The following PIK3R4 variants were observed in gnomAD, a reference collection of about 807,000 sequenced individuals.
PIK3R4 encodes phosphoinositide-3-kinase regulatory subunit 4, also known as phosphoinositide 3-kinase regulatory subunit 4.
Under a neutral mutation model 136.5 loss-of-function variants are expected in PIK3R4, and 46 were observed. The observed-to-expected ratio is 0.34, with a 90% confidence interval of 0.27 to 0.43. The LOEUF is 0.43. Ranked by LOEUF, PIK3R4 falls within the 20% of genes least tolerant of loss-of-function variation. The pLI is 1.00. For missense variants in PIK3R4, 1,331 were observed against 1,649.5 expected (o/e 0.81, Z 3.35); for synonymous variants, 557 against 566.7 (o/e 0.98, Z 0.24).
chr3:130,681,814 C>T (rs1233622102), intron 16 of PIK3R4, among the ~76,000 whole-genome samples: 2 of 152,092 alleles, frequency 1.3e-5, no homozygotes, highest in Non-Finnish European at 2.9e-5. Flanking sequence ...GAAGAGATGG[C>T]AAACAAAGCA....
intron 2 of PIK3R4, among the ~76,000 whole-genome samples, chr3:130,740,278 C>T (rs898084451): frequency 6.6e-6 from 1 of 152,130 alleles, no homozygotes; most frequent in Non-Finnish European, 1.5e-5. Flanking sequence ...AAATGTAATA[C>T]CTGAACCCTA....
At chr3:130,686,501 C>T in intron 14 of PIK3R4, 79 bp from the exon 15 acceptor site, 1 of 844,046 alleles carries the variant, frequency 1.2e-6, no homozygotes, top group Non-Finnish European at 2.0e-6. Context: ...GACTTTATAT[C>T]CTATCCATAG....
At chr3:130,703,999 A>C in intron 12 of PIK3R4, 111 bp from the exon 13 acceptor site, 2 of 702,068 alleles carry the variant, frequency 2.8e-6, no homozygotes, top group Non-Finnish European at 4.8e-6. Flanking sequence ...ATAAGAACTA[A>C]AATATTTGAA....
chr3:130,723,158 A>G (rs557746953), intron 7 of PIK3R4, among the ~76,000 whole-genome samples: 2 of 151,678 alleles, frequency 1.3e-5, no homozygotes, highest in Non-Finnish European at 2.9e-5. Context: ...GACAAGGGTA[A>G]CACAGACTTA....
Position 130,679,193 on chromosome 3 carries a change from A to T in PIK3R4, c.*122T>A, listed in dbSNP as rs2066437955. Reference sequence around the variant, plus strand: ...GGTGTCATTTAGTCAGTCAGTCATGAAACAGTAATATGGAGACATAATTTT... The same window carrying T: ...GGTGTCATTTAGTCAGTCAGTCATGTAACAGTAATATGGAGACATAATTTT... On this transcript the variant is annotated 3_prime_UTR_variant, in exon 20 of 20. Coordinates refer to ENST00000356763, the MANE Select transcript of PIK3R4 (RefSeq NM_014602.3). The T allele has an allele frequency of 1.8e-6, 1 of 550,312 alleles. No homozygotes were observed. The highest frequency in any genetic ancestry group is 3.9e-5 in the South Asian group (1 of 25,606). The allele number at this position is 550,312 out of a possible 1,614,324, so 34.1% of individuals were successfully genotyped here. A position where few individuals can be genotyped will look rare whatever the true frequency, so the allele number is the denominator to read the frequency against.
At chr3:130,687,811 C>T (rs909376501) in intron 14 of PIK3R4, among the ~76,000 whole-genome samples, 1 of 152,040 alleles carries the variant, frequency 6.6e-6, no homozygotes, top group African/African-American at 2.4e-5. Context: ...TAAATACTTC[C>T]TAATTTTTTG....
Position 130,716,605 on chromosome 3 carries a change from T to C in PIK3R4, c.2128-6A>G. The C allele has an allele frequency of 1.9e-6, 3 of 1,590,984 alleles. No individual in the cohort carries two copies. The highest frequency in any genetic ancestry group is 2.2e-5 in the East Asian group (1 of 44,666). ...AGAACAAGTTTTCTTTCAATCTATA[T>C]TGGAAAAATAAAAAGGATCAGCCAA... On this transcript the variant is annotated splice_region_variant and splice_polypyrimidine_tract_variant and intron_variant, in intron 8 of 19. Coordinates refer to ENST00000356763, the MANE Select transcript of PIK3R4 (RefSeq NM_014602.3).
intron 13 of PIK3R4, among the ~76,000 whole-genome samples, chr3:130,696,563 C>A (rs920283311): frequency 6.6e-6 from 1 of 152,086 alleles, no homozygotes; most frequent in South Asian, 2.1e-4. Flanking sequence ...TCCTAACTTC[C>A]CTTCTGTTAC....
At chr3:130,679,554 A>ACTGAC in intron 19 of PIK3R4, 69 bp from the exon 20 acceptor site, 4 of 1,064,160 alleles carry the variant, frequency 3.8e-6, no homozygotes, top group Non-Finnish European at 5.6e-6. Flanking sequence ...TCTCGTCAGT[A>ACTGAC]GTCCTGCTTC....
chr3:130,697,181 C>T (rs2066550785), intron 13 of PIK3R4, among the ~76,000 whole-genome samples: 2 of 151,176 alleles, frequency 1.3e-5, no homozygotes. Context: ...GCAGTTCTCC[C>T]ACCTCAGCCT....
At chr3:130,728,271 T>C (rs2066743940) in intron 6 of PIK3R4, among the ~76,000 whole-genome samples, 192 bp downstream of exon 6, 1 of 152,110 alleles carries the variant, frequency 6.6e-6, no homozygotes, top group East Asian at 1.9e-4. Flanking sequence ...GTAACACAGG[T>C]TGATATACCA....
chr3:130,702,624 C>A (rs567131197), intron 13 of PIK3R4, among the ~76,000 whole-genome samples: 1 of 152,268 alleles, frequency 6.6e-6, no homozygotes, highest in South Asian at 2.1e-4. Context: ...TAGCAGCTTT[C>A]TTTTCAGACC....
At chr3:130,695,956 A>C (rs978625004) in intron 13 of PIK3R4, among the ~76,000 whole-genome samples, 1 of 152,122 alleles carries the variant, frequency 6.6e-6, no homozygotes, top group Non-Finnish European at 1.5e-5. Context: ...TAATTTCTTT[A>C]TTATTATAGA....
chr3:130,683,763 G>GT (rs969136857), intron 16 of PIK3R4, among the ~76,000 whole-genome samples: 4 of 152,106 alleles, frequency 2.6e-5, no homozygotes, highest in African/African-American at 9.7e-5. Flanking sequence ...ACTCTACAAG[G>GT]TAAGTATTTT....
intron 12 of PIK3R4, among the ~76,000 whole-genome samples, chr3:130,705,115 GCCA>G (rs1352602013): frequency 6.6e-6 from 1 of 152,132 alleles, no homozygotes; most frequent in African/African-American, 2.4e-5. Context: ...ACAGGCATGA[GCCA>G]CCACAACCAG....
intron 3 of PIK3R4, among the ~76,000 whole-genome samples, 183 bp from the exon 4 acceptor site, chr3:130,734,313 C>T (rs990363479): frequency 6.6e-6 from 1 of 152,130 alleles, no homozygotes; most frequent in African/African-American, 2.4e-5. Flanking sequence ...TTACAGATGG[C>T]CCTGACACAT....
At chr3:130,687,864 C>G (rs1054032891) in intron 14 of PIK3R4, among the ~76,000 whole-genome samples, 1 of 152,124 alleles carries the variant, frequency 6.6e-6, no homozygotes, top group African/African-American at 2.4e-5. Context: ...TTCCCACACA[C>G]CTGGAATCAA....
At chr3:130,719,703 T>C (rs1471377987) in intron 7 of PIK3R4, among the ~76,000 whole-genome samples, 1 of 152,086 alleles carries the variant, frequency 6.6e-6, no homozygotes, top group East Asian at 1.9e-4. Context: ...ACTGAATTAT[T>C]TACCCCAATT....
At chr3:130,739,312 G>A (rs1226801784) in intron 2 of PIK3R4, among the ~76,000 whole-genome samples, 16 of 152,180 alleles carry the variant, frequency 1.1e-4, no homozygotes, top group African/African-American at 2.9e-4. Flanking sequence ...TCCTGACCTC[G>A]TGATCCACCC....
Sources: allele counts gnomAD v4.1 joint callset (sites outside exome capture counted in the v4.1 genomes callset), GRCh38; gene constraint gnomAD v4.1.1; transcripts MANE v1.5; gene names NCBI Gene and HGNC (gene_info 2026-07-23, HGNC 2026-07-21).